SEMA5A: variants seen among roughly 807,000 people sequenced by gnomAD.
SEMA5A encodes semaphorin 5A, also known as semaphorin-5A.
SEMA5A carries 55 observed loss-of-function variants against 135.5 expected under a neutral mutation model. The observed-to-expected ratio is 0.41, with a 90% CI of 0.33 to 0.51. The LOEUF is 0.51. Ranked by LOEUF, SEMA5A falls within the 20% of genes least tolerant of loss-of-function variation. The pLI is 0.37. For missense variants in SEMA5A, 1,290 were observed against 1,419.9 expected (o/e 0.91, Z 1.47); for synonymous variants, 580 against 546.5 (o/e 1.06, Z -0.85).
chr5:9,144,187 C>T (rs1012621309), intron 12 of SEMA5A, among the ~76,000 whole-genome samples: 4 of 152,206 alleles, frequency 2.6e-5, no homozygotes, highest in Non-Finnish European at 2.9e-5. Flanking sequence ...CACCCTCCCC[C>T]AGTGTCCTCT....
At chr5:9,457,160 G>A (rs1449875046) in intron 1 of SEMA5A, among the ~76,000 whole-genome samples, 6 of 152,154 alleles carry the variant, frequency 3.9e-5, no homozygotes, top group Admixed American at 1.3e-4. Context: ...ATGTCTGAAT[G>A]TGCAAACTAT....
At chr5:9,088,659 T>TATATATATATACACACACACACAC in intron 16 of SEMA5A, among the ~76,000 whole-genome samples, 2 of 112,884 alleles carry the variant, frequency 1.8e-5, no homozygotes, top group Non-Finnish European at 3.5e-5. Flanking sequence ...TATATATATA[T>TATATATATATACACACACACACAC]ACACACACAC....
intron 1 of SEMA5A, among the ~76,000 whole-genome samples, chr5:9,486,330 G>T (rs1297442708): frequency 6.6e-6 from 1 of 152,182 alleles, no homozygotes; most frequent in Non-Finnish European, 1.5e-5. Context: ...TGCATGTGGA[G>T]CTTAAAACCT....
chr5:9,313,796 G>C (rs916135888), intron 5 of SEMA5A, among the ~76,000 whole-genome samples: 3 of 152,124 alleles, frequency 2.0e-5, no homozygotes, highest in Non-Finnish European at 4.4e-5. Context: ...AGATAAATAG[G>C]GTGAAGGTGA....
At chr5:9,258,802 T>TC (rs1749229319) in intron 5 of SEMA5A, among the ~76,000 whole-genome samples, 4 of 116,168 alleles carry the variant, frequency 3.4e-5, no homozygotes, top group African/African-American at 1.3e-4. Flanking sequence ...CTTCTTTCTT[T>TC]CTTTTTTTTT....
At chr5:9,305,399 T>C (rs942881188) in intron 5 of SEMA5A, among the ~76,000 whole-genome samples, 2 of 152,136 alleles carry the variant, frequency 1.3e-5, no homozygotes, top group African/African-American at 4.8e-5. Flanking sequence ...ATTTCTTGTC[T>C]CTCTGTCTTC....
At chr5:9,168,277 T>C (rs928163184) in intron 11 of SEMA5A, among the ~76,000 whole-genome samples, 10 of 152,170 alleles carry the variant, frequency 6.6e-5, no homozygotes, top group African/African-American at 2.4e-5. Context: ...AGGTCTGCAG[T>C]GGGCCTGAGG....
intron 8 of SEMA5A, 131 bp downstream of exon 8, chr5:9,224,543 G>C (rs1322231956): frequency 1.8e-5 from 14 of 793,140 alleles, no homozygotes; most frequent in Middle Eastern, 2.8e-4. Context: ...TCCTGAACAA[G>C]CGACACTTTG....
At chr5:9,282,168 A>T (rs1750577111) in intron 5 of SEMA5A, among the ~76,000 whole-genome samples, 1 of 152,162 alleles carries the variant, frequency 6.6e-6, no homozygotes, top group Admixed American at 6.5e-5. Flanking sequence ...TCCACCTTTA[A>T]CACAAGAGCA....
chr5:9,532,144 C>G (rs563102575), intron 1 of SEMA5A, among the ~76,000 whole-genome samples: 7 of 152,306 alleles, frequency 4.6e-5, no homozygotes, highest in African/African-American at 1.4e-4. Flanking sequence ...TCTGCCACAT[C>G]AGTTTAGGAC....
chr5:9,177,207 C>A (rs1744252036), intron 11 of SEMA5A, among the ~76,000 whole-genome samples: 2 of 152,166 alleles, frequency 1.3e-5, no homozygotes, highest in Admixed American at 1.3e-4. Flanking sequence ...TGCATAGTTA[C>A]TTAGAAACCA....
chr5:9,192,449 G>T (rs1338651067), intron 10 of SEMA5A, among the ~76,000 whole-genome samples: 1 of 152,206 alleles, frequency 6.6e-6, no homozygotes, highest in Non-Finnish European at 1.5e-5. Flanking sequence ...AATGGTGAAT[G>T]GTAAATGCAT....
chr5:9,340,027 G>C (rs1420499876), intron 3 of SEMA5A, among the ~76,000 whole-genome samples: 2 of 152,052 alleles, frequency 1.3e-5, no homozygotes, highest in Non-Finnish European at 2.9e-5. Flanking sequence ...AAACAGTGAT[G>C]ACTGAGACAG....
At chr5:9,466,392 AAAAAAAG>A (rs1347774752) in intron 1 of SEMA5A, among the ~76,000 whole-genome samples, 11 of 151,544 alleles carry the variant, frequency 7.3e-5, no homozygotes, top group South Asian at 2.1e-4. Flanking sequence ...TAAAAAAAAA[AAAAAAAG>A]AAAAGTCCCC....
At chr5:9,135,886 C>T (rs1444047957) in intron 13 of SEMA5A, among the ~76,000 whole-genome samples, 4 of 152,090 alleles carry the variant, frequency 2.6e-5, no homozygotes, top group Non-Finnish European at 4.4e-5. Flanking sequence ...AAATGTGGAC[C>T]CAAACACATA....
intron 13 of SEMA5A, among the ~76,000 whole-genome samples, chr5:9,131,379 C>T (rs1010227261): frequency 4.0e-5 from 6 of 151,850 alleles, no homozygotes; most frequent in Non-Finnish European, 7.4e-5. Flanking sequence ...GAGGCCGAGG[C>T]GGGTGGATCA....
intron 1 of SEMA5A, among the ~76,000 whole-genome samples, chr5:9,521,231 G>C (rs578032526): frequency 6.6e-6 from 1 of 152,236 alleles, no homozygotes; most frequent in South Asian, 2.1e-4. Flanking sequence ...CCAACATGGC[G>C]AAACCCCATC....
chr5:9,469,797 C>G (rs1009135000), intron 1 of SEMA5A, among the ~76,000 whole-genome samples: 3 of 152,182 alleles, frequency 2.0e-5, no homozygotes, highest in African/African-American at 7.2e-5. Flanking sequence ...GAACCCCCAG[C>G]AGGCTTGCAT....
chr5:9,510,971 AGTCATT>A (rs1196618761), intron 1 of SEMA5A, among the ~76,000 whole-genome samples: 1 of 152,164 alleles, frequency 6.6e-6, no homozygotes, highest in African/African-American at 2.4e-5. Flanking sequence ...ATACCCGAGA[AGTCATT>A]GTTGTCTTAG....
Sources: allele counts gnomAD v4.1 joint callset (sites outside exome capture counted in the v4.1 genomes callset), GRCh38; gene constraint gnomAD v4.1.1; transcripts MANE v1.5; gene names NCBI Gene and HGNC (gene_info 2026-07-23, HGNC 2026-07-21).